Variants in SLC35F2 observed in about 807,000 individuals in gnomAD.
The protein encoded by SLC35F2 is solute carrier family 35 member F2.
Under a neutral mutation model 38.1 loss-of-function variants are expected in SLC35F2, and 25 were observed. The ratio of observed to expected loss-of-function variants is 0.66; its 90% confidence interval spans 0.48 to 0.92. SLC35F2 has a LOEUF of 0.92. Among genes scored for constraint, SLC35F2 ranks in the 40% least tolerant of loss-of-function variants. The pLI, the probability that SLC35F2 is intolerant of heterozygous loss-of-function variation, is 0.00. For synonymous variants in SLC35F2, 173 were observed against 181.7 expected (o/e 0.95, Z 0.38); for missense variants, 409 against 452.9 (o/e 0.90, Z 0.88).
intron 1 of SLC35F2, among the ~76,000 whole-genome samples, chr11:107,818,993 G>T (rs2134800948): frequency 6.6e-6 from 1 of 152,250 alleles, no homozygotes; most frequent in East Asian, 1.9e-4. Context: ...AAAAGTGGGG[G>T]GGTGGTTATA....
chr11:107,799,404 A>G (rs1859268829), intron 7 of SLC35F2, among the ~76,000 whole-genome samples: 1 of 152,190 alleles, frequency 6.6e-6, no homozygotes, highest in Non-Finnish European at 1.5e-5. Flanking sequence ...GCCGGCCACC[A>G]ACTGGCCTGC....
rs766525827 is a variant in SLC35F2, at chr11:107,805,522, G to A, written c.575-7C>T. The A allele has an allele frequency of 2.5e-6, 4 of 1,608,758 alleles. No individual in the cohort carries two copies. In the South Asian group the frequency reaches 3.3e-5, roughly 13 times the overall value. On this transcript the variant is annotated splice_polypyrimidine_tract_variant and splice_region_variant and intron_variant, in intron 4 of 7. Coordinates refer to ENST00000525815, the MANE Select transcript of SLC35F2 (RefSeq NM_017515.5). ...CCAATCAATACATCACTCCCTGCAG[G>A]AAGACAAGCCACAGAAAGCAAAACA...
At chr11:107,853,719 C>CAAAAAA (rs67932834) in intron 1 of SLC35F2, among the ~76,000 whole-genome samples, 22 of 68,062 alleles carry the variant, frequency 3.2e-4, no homozygotes, top group Non-Finnish European at 3.8e-4. Flanking sequence ...GACTCCGTCT[C>CAAAAAA]AAAAAAAAAA....
At chr11:107,809,329 CAA>C (rs61511493) in intron 3 of SLC35F2, among the ~76,000 whole-genome samples, 4,379 of 95,966 alleles carry the variant, frequency 0.046, 89 homozygotes, top group African/African-American at 0.088. Context: ...ACTCAAAATA[CAA>C]AAAAAAAAAA....
intron 1 of SLC35F2, chr11:107,823,040 CTTCT>C (rs1424687666): frequency 7.8e-6 from 4 of 511,700 alleles, no homozygotes; most frequent in East Asian, 1.5e-4. Flanking sequence ...TTCTTTAGCT[CTTCT>C]TTATTTACTA....
intron 1 of SLC35F2, among the ~76,000 whole-genome samples, chr11:107,828,855 C>T (rs1448878311): frequency 2.0e-5 from 3 of 152,054 alleles, no homozygotes; most frequent in Non-Finnish European, 2.9e-5. Flanking sequence ...GCCTGTAATC[C>T]CAGCACTTTG....
intron 1 of SLC35F2, among the ~76,000 whole-genome samples, chr11:107,836,107 T>A (rs1021227985): frequency 1.3e-5 from 2 of 152,218 alleles, no homozygotes; most frequent in Admixed American, 1.3e-4. Flanking sequence ...TGGTATAACC[T>A]AAACAGTCAG....
chr11:107,856,064 C>T (rs1233750953), intron 1 of SLC35F2, among the ~76,000 whole-genome samples: 1 of 146,384 alleles, frequency 6.8e-6, no homozygotes, highest in Non-Finnish European at 1.5e-5. Context: ...ATGATCGTGC[C>T]GCTGCACTCC....
intron 1 of SLC35F2, among the ~76,000 whole-genome samples, chr11:107,842,287 T>TAAAAAAAAAAAAAAAAAAAAAAAAAAAA: frequency 1.4e-5 from 1 of 71,184 alleles, no homozygotes; most frequent in Non-Finnish European, 2.9e-5. Flanking sequence ...AAAAAAAAAT[T>TAAAAAAAAAAAAAAAAAAAAAAAAAAAA]AAAGCTTGAC....
At chr11:107,816,246 A>G in intron 1 of SLC35F2, 1 of 983,666 alleles carries the variant, frequency 1.0e-6, no homozygotes, top group Non-Finnish European at 1.2e-6. Context: ...CAGCTATAAC[A>G]TATACTTTGT....
chr11:107,807,123 C>T (rs772857350), intron 3 of SLC35F2, among the ~76,000 whole-genome samples: 1 of 151,662 alleles, frequency 6.6e-6, no homozygotes, highest in South Asian at 2.1e-4. Context: ...AAATGAGTTG[C>T]CAAAAACACA....
intron 3 of SLC35F2, chr11:107,810,576 G>A (rs887805710): frequency 3.0e-6 from 3 of 984,980 alleles, no homozygotes; most frequent in Non-Finnish European, 3.6e-6. Context: ...GTAACTGCTG[G>A]GTTTAATTTT....
At chr11:107,802,862 G>T in intron 7 of SLC35F2, 139 bp downstream of exon 7, 2 of 786,556 alleles carry the variant, frequency 2.5e-6, no homozygotes, top group Non-Finnish European at 3.9e-6. Flanking sequence ...TTCAGAAGCA[G>T]CAAAGGGAGG....
intron 1 of SLC35F2, among the ~76,000 whole-genome samples, chr11:107,821,000 C>T (rs572942088): frequency 1.1e-4 from 17 of 152,170 alleles, no homozygotes; most frequent in Middle Eastern, 3.4e-3. Context: ...CTGTACCTCG[C>T]CTTGCTGTCA....
At chr11:107,820,008 CAATTT>C (rs1859642906) in intron 1 of SLC35F2, among the ~76,000 whole-genome samples, 1 of 152,020 alleles carries the variant, frequency 6.6e-6, no homozygotes, top group African/African-American at 2.4e-5. Context: ...GTAATCCCAG[CAATTT>C]AAGAGGCCAA....
intron 1 of SLC35F2, among the ~76,000 whole-genome samples, chr11:107,817,546 A>C (rs575000012): frequency 6.6e-6 from 1 of 152,186 alleles, no homozygotes; most frequent in African/African-American, 2.4e-5. Context: ...ATCATTTCTC[A>C]TGTCTAAAAC....
intron 1 of SLC35F2, among the ~76,000 whole-genome samples, chr11:107,835,468 T>C (rs1242517445): frequency 6.6e-6 from 1 of 151,724 alleles, no homozygotes; most frequent in Non-Finnish European, 1.5e-5. Flanking sequence ...CAGGGTCAGG[T>C]TTCTGTCGCC....
intron 1 of SLC35F2, among the ~76,000 whole-genome samples, chr11:107,845,789 C>A (rs1015629299): frequency 6.6e-6 from 1 of 151,790 alleles, no homozygotes; most frequent in African/African-American, 2.4e-5. Flanking sequence ...CCCATCTCTA[C>A]TAAAAATACA....
intron 1 of SLC35F2, among the ~76,000 whole-genome samples, chr11:107,845,498 G>A (rs1346133378): frequency 6.6e-6 from 1 of 152,030 alleles, no homozygotes; most frequent in Non-Finnish European, 1.5e-5. Flanking sequence ...TCCAGCCTGG[G>A]TGACAAAGTG....
Sources: allele counts gnomAD v4.1 joint callset (sites outside exome capture counted in the v4.1 genomes callset), GRCh38; gene constraint gnomAD v4.1.1; transcripts MANE v1.5; gene names NCBI Gene and HGNC (gene_info 2026-07-23, HGNC 2026-07-21).